ADK: variants seen among roughly 807,000 people sequenced by gnomAD.
ADK encodes the protein adenosine kinase, also known as N6,N6-dimethyladenosine kinase.
Under a neutral mutation model 44.7 loss-of-function variants are expected in ADK, and 24 were observed. The observed-to-expected ratio is 0.54, with a 90% CI of 0.39 to 0.76. The LOEUF (loss-of-function observed/expected upper bound fraction) is 0.76, where lower values mean the gene tolerates loss of function less well. ADK is among the 30% of genes least tolerant of loss of function. ADK has a pLI of 0.00. For missense variants in ADK, 321 were observed against 425.1 expected, an observed-to-expected ratio of 0.76 and a Z score of 2.15; for synonymous variants, 128 against 142.6, an observed-to-expected ratio of 0.90 and a Z score of 0.73.
intron 3 of ADK, among the ~76,000 whole-genome samples, chr10:74,236,654 A>G (rs1056976102): frequency 6.6e-6 from 1 of 152,202 alleles, no homozygotes; most frequent in Non-Finnish European, 1.5e-5. Flanking sequence ...TGGTTTTCCT[A>G]TACAGGCACA....
At chr10:74,274,928 TGAGTGCAGTACA>T (rs992175754) in intron 3 of ADK, among the ~76,000 whole-genome samples, 27 of 151,514 alleles carry the variant, frequency 1.8e-4, no homozygotes, top group Middle Eastern at 3.4e-3. Context: ...CTCAGAGAAC[TGAGTGCAGTACA>T]GAAGCTTATA....
intron 6 of ADK, among the ~76,000 whole-genome samples, chr10:74,480,206 T>TTTTCTTTCTTTCTTTCTTTC (rs71024511): frequency 2.1e-5 from 3 of 142,652 alleles, no homozygotes; most frequent in African/African-American, 7.7e-5. Context: ...GGCAGCCTAA[T>TTTTCTTTCTTTCTTTCTTTC]TTTCTTTCTT....
intron 3 of ADK, among the ~76,000 whole-genome samples, chr10:74,226,442 T>A (rs1208718580): frequency 6.6e-6 from 1 of 152,196 alleles, no homozygotes; most frequent in Non-Finnish European, 1.5e-5. Context: ...TTTAAACATA[T>A]GTTATGTGTT....
At position 74,278,551 on chromosome 10, in the gene ADK, C is replaced by T. The variant is rs368032756; in HGVS notation, c.195-36116C>T. Among the ~76,000 whole-genome samples, 264 of 152,142 alleles carry T rather than the reference C, an allele frequency of 1.7e-3. 1 individual carries two copies. The highest frequency in any genetic ancestry group is 5.4e-3 in the African/African-American group (223 of 41,496). On this transcript the variant is annotated intron_variant, in intron 3 of 10. Coordinates refer to ENST00000539909, the MANE Select transcript of ADK (RefSeq NM_006721.4). ...ATAATTTTGTTATGATCCTTTCTTT[C>T]CTAGTTGATCATCTTTTAGTTTAAA...
chr10:74,358,018 A>G (rs1842203569), intron 4 of ADK, among the ~76,000 whole-genome samples: 1 of 152,218 alleles, frequency 6.6e-6, no homozygotes, highest in Non-Finnish European at 1.5e-5. Flanking sequence ...CAGGAAAGAA[A>G]TGCTTCTAGA....
chr10:74,534,750 A>G lies in ADK; in HGVS notation c.726+9324A>G, dbSNP rs117036337. 6.8e-3 allele frequency among the ~76,000 whole-genome samples: 1,031 copies of G among 152,312 alleles called. 7 individuals carry two copies. The highest frequency in any genetic ancestry group is 0.011 in the Non-Finnish European group (729 of 68,028). ...TTTCACTTCACTTTAACTTGCTTTGATAACTCACACTCTTCATTCATTCCT... is the reference window on the plus strand; with the variant it reads ...TTTCACTTCACTTTAACTTGCTTTGGTAACTCACACTCTTCATTCATTCCT... On this transcript the variant is annotated intron_variant, in intron 7 of 10. Coordinates refer to ENST00000539909, the MANE Select transcript of ADK (RefSeq NM_006721.4).
At chr10:74,643,147 C>A (rs1853931232) in intron 9 of ADK, among the ~76,000 whole-genome samples, 1 of 152,128 alleles carries the variant, frequency 6.6e-6, no homozygotes, top group South Asian at 2.1e-4. Context: ...TAGCCTAAAT[C>A]CTAAGGTCTT....
At chr10:74,643,022 G>A (rs1853926929) in intron 9 of ADK, among the ~76,000 whole-genome samples, 1 of 151,108 alleles carries the variant, frequency 6.6e-6, no homozygotes, top group Non-Finnish European at 1.5e-5. Context: ...TTTATTTTTA[G>A]TGGAGACAGG....
rs186778481 is a variant in ADK, at chr10:74,231,505, T to C, written c.194+6914T>C. On this transcript the variant is annotated intron_variant, in intron 3 of 10. Transcript: ENST00000539909. Reference sequence around the variant, plus strand: ...TTTTTTGAGACAAGATCTAACTCTGTTGCCCAGGTTGGAGTGCAGTGGCGT... The same window carrying C: ...TTTTTTGAGACAAGATCTAACTCTGCTGCCCAGGTTGGAGTGCAGTGGCGT... Among the ~76,000 whole-genome samples, 59 of 151,894 alleles carry C rather than the reference T, an allele frequency of 3.9e-4. No homozygotes were observed. In the East Asian group the frequency reaches 8.1e-3, roughly 21 times the overall value.
intron 1 of ADK, 23 bp downstream of exon 1, chr10:74,151,366 AG>A: frequency 6.5e-7 from 1 of 1,549,308 alleles, no homozygotes; most frequent in Non-Finnish European, 8.7e-7. Context: ...GGACTTGGGG[AG>A]GAGGGTGACG....
chr10:74,308,170 A>G (rs1030183766), intron 3 of ADK, among the ~76,000 whole-genome samples: 10 of 152,178 alleles, frequency 6.6e-5, no homozygotes, highest in Admixed American at 1.3e-4. Flanking sequence ...TATCTTAGGT[A>G]CAATGATCTT....
At chr10:74,455,689 TA>T (rs991142959) in intron 6 of ADK, among the ~76,000 whole-genome samples, 96 of 152,258 alleles carry the variant, frequency 6.3e-4, no homozygotes, top group African/African-American at 2.2e-3. Context: ...TTTGTATTTT[TA>T]TTAGAGACAG....
intron 10 of ADK, among the ~76,000 whole-genome samples, chr10:74,703,005 T>A (rs1564860773): frequency 6.6e-6 from 1 of 152,130 alleles, no homozygotes; most frequent in Non-Finnish European, 1.5e-5. Context: ...TGGTCAGAAT[T>A]CCTATCACCA....
chr10:74,165,852 C>T (rs1489832242), intron 1 of ADK, among the ~76,000 whole-genome samples: 1 of 152,182 alleles, frequency 6.6e-6, no homozygotes, highest in East Asian at 1.9e-4. Context: ...AGTTTTATCC[C>T]CCCCAAAATA....
chr10:74,599,333 A>C (rs1852037440), intron 8 of ADK, among the ~76,000 whole-genome samples: 1 of 152,320 alleles, frequency 6.6e-6, no homozygotes, highest in Middle Eastern at 3.4e-3. Flanking sequence ...TCATCCCTTT[A>C]AAAATGCCAG....
chr10:74,217,652 C>T (rs912665358), intron 2 of ADK, among the ~76,000 whole-genome samples: 70 of 152,092 alleles, frequency 4.6e-4, no homozygotes, highest in African/African-American at 7.7e-4. Context: ...CTCACATGGC[C>T]GGGTACTCCT....
chr10:74,402,107 C>T (rs2132879184), intron 6 of ADK, among the ~76,000 whole-genome samples: 1 of 152,306 alleles, frequency 6.6e-6, no homozygotes, highest in South Asian at 2.1e-4. Context: ...GCAGAGAGAT[C>T]TGCTGTTATT....
intron 3 of ADK, among the ~76,000 whole-genome samples, chr10:74,274,730 G>GTTTATATATATATATA (rs1200421234): frequency 2.5e-5 from 1 of 40,518 alleles, no homozygotes; most frequent in Non-Finnish European, 6.7e-5. Context: ...ATTTTAATGT[G>GTTTATATATATATATA]TGTATATATA....
chr10:74,251,337 C>G (rs1033976461), intron 3 of ADK, among the ~76,000 whole-genome samples: 1 of 152,162 alleles, frequency 6.6e-6, no homozygotes, highest in Non-Finnish European at 1.5e-5. Flanking sequence ...TTAAACCTCT[C>G]AAATCCTCAG....
Sources: allele counts gnomAD v4.1 joint callset (sites outside exome capture counted in the v4.1 genomes callset), GRCh38; gene constraint gnomAD v4.1.1; transcripts MANE v1.5; gene names NCBI Gene and HGNC (gene_info 2026-07-23, HGNC 2026-07-21).